KCNJ6: variants seen among roughly 807,000 people sequenced by gnomAD.
KCNJ6 encodes the protein potassium inwardly rectifying channel subfamily J member 6.
In KCNJ6, 9 loss-of-function variants were observed where a neutral mutation model predicts 34.2. The ratio of observed to expected loss-of-function variants is 0.26; its 90% CI spans 0.16 to 0.46. The LOEUF (loss-of-function observed/expected upper bound fraction) is 0.46. Among genes scored for constraint, KCNJ6 ranks in the 20% least tolerant of loss-of-function variants. KCNJ6 has a pLI of 1.00. For missense variants in KCNJ6, 236 were observed against 531.3 expected (o/e 0.44, Z 5.46); for synonymous variants, 196 against 207.1 (o/e 0.95, Z 0.46).
intron 2 of KCNJ6, among the ~76,000 whole-genome samples, chr21:37,754,687 A>C (rs1049341721): frequency 6.6e-6 from 1 of 152,242 alleles, no homozygotes; most frequent in Non-Finnish European, 1.5e-5. Context: ...CAGGAACTGC[A>C]GCACAAAGGA....
chr21:37,649,149 AAAAAAG>A (rs2054420398), intron 3 of KCNJ6, among the ~76,000 whole-genome samples: 2 of 150,278 alleles, frequency 1.3e-5, no homozygotes, highest in Admixed American at 6.6e-5. Context: ...AAAAAAAAAA[AAAAAAG>A]AAAGAAAAAG....
In KCNJ6 at chr21:37,614,667, TC is replaced by T. The variant is rs2054258286; in HGVS notation, c.*10491del. ...ATGCACGTGTGTGTATGCATGTGTCTCTGTGTATGCGTGTGTGTATGCATGT... is the reference window on the plus strand; with the variant it reads ...ATGCACGTGTGTGTATGCATGTGTCTTGTGTATGCGTGTGTGTATGCATGT... On this transcript the variant is annotated 3_prime_UTR_variant, in exon 4 of 4. Coordinates refer to ENST00000609713, the MANE Select transcript of KCNJ6 (RefSeq NM_002240.5). 2 of 130,128 alleles carry T rather than the reference TC, an allele frequency of 1.5e-5. No individual in the cohort carries two copies. The highest frequency in any genetic ancestry group is 3.4e-5 in the Non-Finnish European group (2 of 59,414). 8.1% of individuals were successfully genotyped at this position (130,128 alleles called of 1,614,324 possible). A position where few individuals can be genotyped will look rare whatever the true frequency, so the allele number is the denominator to read the frequency against.
At chr21:37,669,812 T>C (rs2054533732) in intron 3 of KCNJ6, among the ~76,000 whole-genome samples, 1 of 152,382 alleles carries the variant, frequency 6.6e-6, no homozygotes, top group African/African-American at 2.4e-5. Context: ...TCTCCCATTC[T>C]GTATGTTGTC....
chr21:37,724,232 C>T (rs890794600), intron 2 of KCNJ6, among the ~76,000 whole-genome samples: 11 of 151,982 alleles, frequency 7.2e-5, no homozygotes, highest in African/African-American at 1.9e-4. Context: ...ATGCAAGGGT[C>T]GGCAAGCATT....
chr21:37,876,211 C>T (rs1444427351), intron 1 of KCNJ6, among the ~76,000 whole-genome samples: 1 of 152,194 alleles, frequency 6.6e-6, no homozygotes, highest in Non-Finnish European at 1.5e-5. Flanking sequence ...CTCTAAGGTA[C>T]ACACTGGACC....
rs188147117 is a variant in KCNJ6 at position 37,885,482 on chromosome 21, G to A, written c.-28+30402C>T. On this transcript the variant is annotated intron_variant, in intron 1 of 3. Coordinates refer to ENST00000609713, the MANE Select transcript of KCNJ6 (RefSeq NM_002240.5). ...GATTCCCAATGAATTGACTTTAAGA[G>A]AGGGAGATGATCCTGTGGGGGCAGA... 3.6e-4 allele frequency among the ~76,000 whole-genome samples: 55 copies of A among 152,344 alleles called. 2 individuals carry two copies. Among genetic ancestry groups the A allele is most frequent in the Admixed American group, 2.9e-3 (44 of 15,312 alleles).
intron 1 of KCNJ6, among the ~76,000 whole-genome samples, chr21:37,852,418 G>A (rs576166141): frequency 1.1e-3 from 174 of 152,302 alleles, no homozygotes; most frequent in African/African-American, 3.9e-3. Flanking sequence ...AGACCACCAC[G>A]TGAGAAGTAG....
chr21:37,672,520 C>T (rs1424935233), intron 3 of KCNJ6, among the ~76,000 whole-genome samples: 1 of 151,960 alleles, frequency 6.6e-6, no homozygotes, highest in Non-Finnish European at 1.5e-5. Flanking sequence ...CTAAGACATC[C>T]TCAATTTTTT....
At chr21:37,643,915 A>C (rs1369302172) in intron 3 of KCNJ6, among the ~76,000 whole-genome samples, 2 of 152,236 alleles carry the variant, frequency 1.3e-5, no homozygotes, top group East Asian at 3.8e-4. Flanking sequence ...TTACAAAGAC[A>C]CATGCATGTG....
In KCNJ6 at chr21:37,675,350, A is replaced by T. The variant is rs576677640; in HGVS notation, c.946+38861T>A. ...CGGGGATTTTTCCGCGAGTGGCTGC[A>T]TTGGCTTTAAGAAACTGCGCCGGGC... On this transcript the variant is annotated intron_variant, in intron 3 of 3. Coordinates refer to ENST00000609713, the MANE Select transcript of KCNJ6 (RefSeq NM_002240.5). The surrounding 1 kb of genome is among the most constrained non-coding windows in gnomAD (Gnocchi z 4.2). Among the ~76,000 whole-genome samples the T allele has an allele frequency of 6.6e-6, 1 of 152,220 alleles. No individual in the cohort carries two copies. Among genetic ancestry groups the T allele is most frequent in the Non-Finnish European group, 1.5e-5 (1 of 68,038 alleles).
intron 2 of KCNJ6, among the ~76,000 whole-genome samples, chr21:37,773,061 C>A (rs1482613362): frequency 6.6e-6 from 1 of 152,168 alleles, no homozygotes; most frequent in African/African-American, 2.4e-5. Flanking sequence ...AGTTCCAGGG[C>A]CTTCAGGGTG....
intron 2 of KCNJ6, among the ~76,000 whole-genome samples, chr21:37,777,147 T>C (rs2055146439): frequency 6.6e-6 from 1 of 152,232 alleles, no homozygotes; most frequent in South Asian, 2.1e-4. Context: ...GAGGTGTTTA[T>C]AGTATTCTCT....
At chr21:37,671,514 G>A (rs1328594839) in intron 3 of KCNJ6, among the ~76,000 whole-genome samples, 1 of 152,244 alleles carries the variant, frequency 6.6e-6, no homozygotes, top group Non-Finnish European at 1.5e-5. Flanking sequence ...GGTTCCCTGA[G>A]TTCTGTGAAC....
At chr21:37,865,012 A>T (rs2055615347) in intron 1 of KCNJ6, among the ~76,000 whole-genome samples, 1 of 152,016 alleles carries the variant, frequency 6.6e-6, no homozygotes, top group African/African-American at 2.4e-5. Flanking sequence ...GCCCAGAAAA[A>T]GATGTTCTCT....
chr21:37,911,077 C>T (rs2055864857), intron 1 of KCNJ6, among the ~76,000 whole-genome samples: 2 of 152,134 alleles, frequency 1.3e-5, no homozygotes, highest in African/African-American at 4.8e-5. Flanking sequence ...AATAATTTCA[C>T]TATTATTTAA....
chr21:37,676,880 C>T (rs2054567313), intron 3 of KCNJ6, among the ~76,000 whole-genome samples: 1 of 152,218 alleles, frequency 6.6e-6, no homozygotes, highest in South Asian at 2.1e-4. Context: ...GAGAAAGCAG[C>T]AGGCTCTGCA....
chr21:37,850,582 C>T (rs1000306504), intron 1 of KCNJ6, among the ~76,000 whole-genome samples: 2 of 151,968 alleles, frequency 1.3e-5, no homozygotes, highest in Non-Finnish European at 2.9e-5. Context: ...GCCCCTGGTC[C>T]GTGGAAAAAT....
intron 1 of KCNJ6, among the ~76,000 whole-genome samples, chr21:37,879,998 A>G (rs1024690681): frequency 4.0e-5 from 6 of 151,792 alleles, no homozygotes; most frequent in Non-Finnish European, 7.4e-5. Context: ...GGTGGCTCAC[A>G]CTGTAATCCC....
intron 3 of KCNJ6, among the ~76,000 whole-genome samples, chr21:37,662,575 T>G (rs951687038): frequency 2.0e-5 from 3 of 152,256 alleles, no homozygotes; most frequent in African/African-American, 7.2e-5. Context: ...AACATATGCA[T>G]GCATGTATCT....
Sources: gnomAD v4.1 joint callset for allele counts (sites outside exome capture counted in the v4.1 genomes callset) on GRCh38, gnomAD v4.1.1 for gene constraint, Gnocchi (gnomAD v3.1) non-coding constraint, MANE v1.5 for transcripts, NCBI Gene and HGNC (gene_info 2026-07-23, HGNC 2026-07-21) for gene names.